The following ZNF277 variants were observed in gnomAD, a reference collection of about 807,000 sequenced individuals.
ZNF277 encodes the protein zinc finger protein 277.
ZNF277 carries 55 observed loss-of-function variants against 60.7 expected under a neutral mutation model. The observed-to-expected ratio is 0.91, with a 90% CI of 0.73 to 1.13. The LOEUF (loss-of-function observed/expected upper bound fraction) is 1.13. ZNF277 is among the 50% of genes most tolerant of loss of function. The pLI, the probability that ZNF277 is intolerant of heterozygous loss-of-function variation, is 0.00. For missense variants in ZNF277, 510 were observed against 523.0 expected (o/e 0.98, Z 0.24); for synonymous variants, 178 against 179.3 (o/e 0.99, Z 0.06).
chr7:112,286,955 G>A lies in ZNF277; in HGVS notation c.174G>A (p.Val58=). The change falls in exon 2 of 12, where the codon GTG becomes GTA. Residue 58 remains valine (V), a synonymous_variant. Transcript: ENST00000361822. ...CCACTTTAGAAGGTTCTCCATCTGT[G>A]CCTTGTATTTTCTGTGAAGAACATT... ...GTTTLEGSPS[V]PCIFCEEHFP... is the part of the protein sequence containing the mutation. The A allele has an allele frequency of 2.5e-6, 4 of 1,610,950 alleles. No individual in the cohort carries two copies. Among genetic ancestry groups the A allele is most frequent in the Non-Finnish European group, 3.4e-6 (4 of 1,179,612 alleles).
chr7:112,215,705 T>TA (rs1452510757), intron 1 of ZNF277, among the ~76,000 whole-genome samples: 1 of 152,248 alleles, frequency 6.6e-6, no homozygotes, highest in Non-Finnish European at 1.5e-5. Flanking sequence ...GTTTCTCTAA[T>TA]ACTGTCCTCA....
chr7:112,219,520 A>G (rs1456752196), intron 1 of ZNF277, among the ~76,000 whole-genome samples: 1 of 152,162 alleles, frequency 6.6e-6, no homozygotes, highest in Non-Finnish European at 1.5e-5. Flanking sequence ...ATCAAAGATA[A>G]GTTGACCATA....
At chr7:112,331,581 G>A (rs1260978529) in intron 7 of ZNF277, among the ~76,000 whole-genome samples, 4 of 152,166 alleles carry the variant, frequency 2.6e-5, no homozygotes, top group African/African-American at 9.7e-5. Context: ...ACTATTCCTT[G>A]TAGTGTTAAA....
At chr7:112,259,743 A>C (rs1563206983) in intron 1 of ZNF277, among the ~76,000 whole-genome samples, 1 of 152,228 alleles carries the variant, frequency 6.6e-6, no homozygotes, top group South Asian at 2.1e-4. Context: ...TAATGCATGC[A>C]CAAAAGTAAC....
intron 1 of ZNF277, among the ~76,000 whole-genome samples, chr7:112,208,760 A>G (rs568720935): frequency 5.6e-4 from 75 of 133,834 alleles, no homozygotes; most frequent in South Asian, 2.7e-3. Context: ...GGCTCACTGC[A>G]AGCTCCGCCT....
intron 1 of ZNF277, among the ~76,000 whole-genome samples, chr7:112,219,451 C>G (rs2116958909): frequency 6.6e-6 from 1 of 152,176 alleles, no homozygotes; most frequent in East Asian, 1.9e-4. Flanking sequence ...ATCCAGTTTT[C>G]CTTACACCAT....
chr7:112,273,813 G>T (rs1180047168), intron 1 of ZNF277, among the ~76,000 whole-genome samples: 2 of 152,026 alleles, frequency 1.3e-5, no homozygotes, highest in East Asian at 3.9e-4. Context: ...TCAATTGCTT[G>T]CTCCTCAGTA....
intron 4 of ZNF277, among the ~76,000 whole-genome samples, chr7:112,312,048 C>T (rs935580622): frequency 6.6e-6 from 1 of 152,092 alleles, no homozygotes; most frequent in African/African-American, 2.4e-5. Flanking sequence ...AGTTATTGTG[C>T]ACCCTGTCTA....
At chr7:112,238,506 C>T (rs1375005407) in intron 1 of ZNF277, among the ~76,000 whole-genome samples, 2 of 152,160 alleles carry the variant, frequency 1.3e-5, no homozygotes, top group Non-Finnish European at 2.9e-5. Context: ...CTGGACAAAT[C>T]CTTGTGCTGT....
At chr7:112,252,928 G>T (rs1024374626) in intron 1 of ZNF277, among the ~76,000 whole-genome samples, 6 of 152,180 alleles carry the variant, frequency 3.9e-5, no homozygotes, top group African/African-American at 1.4e-4. Context: ...ACCTACTGAG[G>T]ATAGAACGAT....
At position 112,272,778 on chromosome 7, in the gene ZNF277, G is replaced by C. The variant is rs147493987; in HGVS notation, c.92-14095G>C. Among the ~76,000 whole-genome samples the C allele has an allele frequency of 1.4e-4, 22 of 152,270 alleles. No homozygotes were observed. The East Asian group carries it at 4.3e-3, about 29-fold the overall frequency. On this transcript the variant is annotated intron_variant, in intron 1 of 11. Coordinates refer to ENST00000361822, the MANE Select transcript of ZNF277 (RefSeq NM_021994.3). The stretch of plus-strand genomic sequence containing the variant: ...CAAAGTGCTGGGATAACAGGCGTGA[G>C]CCACTGTACCCGGCCTTATTTTTAG...
intron 1 of ZNF277, among the ~76,000 whole-genome samples, chr7:112,235,794 T>A (rs980944202): frequency 6.6e-6 from 1 of 151,060 alleles, no homozygotes; most frequent in Non-Finnish European, 1.5e-5. Flanking sequence ...AATGTGTCTA[T>A]TTTTTTTTCC....
chr7:112,327,559 C>A (rs981702557), intron 5 of ZNF277, among the ~76,000 whole-genome samples, 158 bp from the exon 6 acceptor site: 1 of 152,236 alleles, frequency 6.6e-6, no homozygotes, highest in Non-Finnish European at 1.5e-5. Context: ...CACTTACATA[C>A]TTTATAATGT....
chr7:112,287,184 G>A, intron 2 of ZNF277, 110 bp downstream of exon 2: 1 of 1,111,244 alleles, frequency 9.0e-7, no homozygotes, highest in African/African-American at 1.6e-5. Context: ...CCCGAGGCCA[G>A]TAGTAGTTCA....
chr7:112,223,026 G>C (rs1461900118), intron 1 of ZNF277, among the ~76,000 whole-genome samples: 1 of 152,176 alleles, frequency 6.6e-6, no homozygotes, highest in South Asian at 2.1e-4. Context: ...TTTGGAACTC[G>C]GACTGGTTCT....
intron 1 of ZNF277, among the ~76,000 whole-genome samples, chr7:112,262,419 T>G (rs965918743): frequency 3.9e-5 from 6 of 152,146 alleles, no homozygotes; most frequent in Non-Finnish European, 8.8e-5. Flanking sequence ...AAAGAGAACT[T>G]GGTACTTTAA....
chr7:112,283,337 G>A (rs971105506), intron 1 of ZNF277, among the ~76,000 whole-genome samples: 1 of 152,164 alleles, frequency 6.6e-6, no homozygotes, highest in Non-Finnish European at 1.5e-5. Flanking sequence ...AGACCAGCCA[G>A]GCCAGCGAAA....
rs180923033 is a variant in ZNF277, at chr7:112,332,726, T to C, written c.801+2510T>C. On this transcript the variant is annotated intron_variant, in intron 7 of 11. Transcript: ENST00000361822. Reference sequence around the variant, plus strand: ...CCTGCTGAGGTAAGTAACCAAAAACTGTAAGAATGATTAACAAAAAACGAA... The same window carrying C: ...CCTGCTGAGGTAAGTAACCAAAAACCGTAAGAATGATTAACAAAAAACGAA... Among the ~76,000 whole-genome samples the C allele has an allele frequency of 7.2e-5, 11 of 152,284 alleles. No homozygotes were observed. The East Asian group carries it at 1.7e-3, about 24-fold the overall frequency.
chr7:112,302,416 T>C (rs1237629616), intron 4 of ZNF277, among the ~76,000 whole-genome samples: 1 of 152,112 alleles, frequency 6.6e-6, no homozygotes, highest in Admixed American at 6.6e-5. Flanking sequence ...AATCAATTTA[T>C]ATTTATACTT....
Sources: allele counts gnomAD v4.1 joint callset (sites outside exome capture counted in the v4.1 genomes callset), GRCh38; gene constraint gnomAD v4.1.1; transcripts MANE v1.5; gene names NCBI Gene and HGNC (gene_info 2026-07-23, HGNC 2026-07-21).